Variants in PPFIA1 observed in about 807,000 individuals in gnomAD.
The protein encoded by PPFIA1 is liprin-alpha-1.
PPFIA1 carries 25 observed loss-of-function variants against 149.9 expected under a neutral mutation model. The ratio of observed to expected loss-of-function variants is 0.17; its 90% CI spans 0.12 to 0.23. The LOEUF is 0.23. Among genes scored for constraint, PPFIA1 ranks in the 10% least tolerant of loss-of-function variants. The pLI is 1.00. For missense variants in PPFIA1, 1,362 were observed against 1,506.5 expected, an observed-to-expected ratio of 0.90 and a Z score of 1.59; for synonymous variants, 549 against 552.8, an observed-to-expected ratio of 0.99 and a Z score of 0.10.
At chr11:70,316,871 G>A (rs914751092) in intron 2 of PPFIA1, among the ~76,000 whole-genome samples, 1 of 152,160 alleles carries the variant, frequency 6.6e-6, no homozygotes, top group African/African-American at 2.4e-5. Flanking sequence ...GAACCTGTTA[G>A]CCAGATCTAA....
intron 8 of PPFIA1, among the ~76,000 whole-genome samples, chr11:70,330,956 A>C (rs2054615991): frequency 6.6e-6 from 1 of 151,682 alleles, no homozygotes. Context: ...AAATGCGGCC[A>C]GGCGCGGTGG....
chr11:70,346,336 C>T lies in PPFIA1; in HGVS notation c.1932-1853C>T, dbSNP rs141085833. On this transcript the variant is annotated intron_variant, in intron 15 of 27. Coordinates refer to ENST00000253925, the MANE Select transcript of PPFIA1 (RefSeq NM_003626.5). ...TGCCACGACTTGCTTGTGAAGTTTACGTGGGTGGAGGTGCCAGTCCTGGTC... is the reference window on the plus strand; with the variant it reads ...TGCCACGACTTGCTTGTGAAGTTTATGTGGGTGGAGGTGCCAGTCCTGGTC... Among the ~76,000 whole-genome samples, 287 of 151,856 alleles carry T rather than the reference C, an allele frequency of 1.9e-3. 2 individuals are homozygous for T. Among genetic ancestry groups the T allele is most frequent in the African/African-American group, 6.7e-3 (277 of 41,424 alleles).
intron 26 of PPFIA1, chr11:70,378,434 C>T (rs1038678252): frequency 1.6e-6 from 2 of 1,249,734 alleles, no homozygotes. Context: ...ATTTTTCCAA[C>T]TAATAAAGCT....
chr11:70,350,645 T>C (rs1591308373), intron 16 of PPFIA1, among the ~76,000 whole-genome samples: 1 of 152,216 alleles, frequency 6.6e-6, no homozygotes, highest in East Asian at 1.9e-4. Flanking sequence ...GGAATATTTT[T>C]AATTATAACA....
At chr11:70,314,732 G>A (rs1307933254) in intron 2 of PPFIA1, among the ~76,000 whole-genome samples, 1 of 151,900 alleles carries the variant, frequency 6.6e-6, no homozygotes, top group African/African-American at 2.4e-5. Context: ...CTAGGTTTGG[G>A]CATACATTTT....
At chr11:70,382,043 C>T in intron 26 of PPFIA1, 45 bp from the exon 27 acceptor site, 1 of 1,574,576 alleles carries the variant, frequency 6.4e-7, no homozygotes, top group Non-Finnish European at 8.7e-7. Flanking sequence ...CTAAGACTAA[C>T]TGCACGCTGT....
intron 16 of PPFIA1, among the ~76,000 whole-genome samples, chr11:70,353,153 C>T (rs1428531162): frequency 6.6e-6 from 1 of 152,182 alleles, no homozygotes; most frequent in African/African-American, 2.4e-5. Flanking sequence ...ACTTGGTCCT[C>T]CCTGAGCCAC....
chr11:70,367,829 A>G (rs962197683), intron 21 of PPFIA1, among the ~76,000 whole-genome samples: 1 of 152,222 alleles, frequency 6.6e-6, no homozygotes. Flanking sequence ...AATACCAGAT[A>G]TCCCTGCTAC....
At chr11:70,345,768 A>C (rs560855419) in intron 15 of PPFIA1, 76 of 203,814 alleles carry the variant, frequency 3.7e-4, no homozygotes, top group African/African-American at 1.6e-3. Flanking sequence ...TCGAGGCTGC[A>C]GCGAGCTGTG....
intron 2 of PPFIA1, among the ~76,000 whole-genome samples, chr11:70,301,434 C>T (rs1044105170): frequency 6.6e-5 from 10 of 152,234 alleles, no homozygotes; most frequent in African/African-American, 2.2e-4. Context: ...AGCTGAGTGA[C>T]CTTTGTACCT....
chr11:70,331,749 C>T (rs2054676774), intron 8 of PPFIA1, among the ~76,000 whole-genome samples: 1 of 152,098 alleles, frequency 6.6e-6, no homozygotes, highest in African/African-American at 2.4e-5. Context: ...CACTGCACTC[C>T]AGCCTGGGTG....
At chr11:70,362,524 C>G in intron 21 of PPFIA1, 36 bp downstream of exon 21, 1 of 1,538,528 alleles carries the variant, frequency 6.5e-7, no homozygotes, top group Non-Finnish European at 8.8e-7. Flanking sequence ...TCTTTGGAAA[C>G]AGGGAATGCC....
Position 70,325,549 on chromosome 11 carries a change from A to G in PPFIA1, c.581A>G (p.Glu194Gly). 1 of 1,589,932 alleles carries G rather than the reference A, an allele frequency of 6.3e-7. No individual in the cohort carries two copies. The highest frequency in any genetic ancestry group is 1.1e-5 in the South Asian group (1 of 90,578). The stretch of plus-strand genomic sequence containing the variant: ...CTTGAAAGATGTAGTTTGTTAGAAG[A>G]GGAATTAGGTGCCACACACAAAGAG... Reference protein sequence around the residue: ...VALERCSLLEEELGATHKELM... With the variant: ...VALERCSLLEGELGATHKELM... The change falls in exon 5 of 28, where the codon GAG becomes GGG. Residue 194 changes from glutamate to glycine, a missense_variant. Glu to Gly is a moderately conservative substitution (Grantham distance 98). Coordinates refer to ENST00000253925, the MANE Select transcript of PPFIA1 (RefSeq NM_003626.5).
intron 14 of PPFIA1, among the ~76,000 whole-genome samples, chr11:70,339,785 C>T (rs1054520373): frequency 4.6e-5 from 7 of 152,082 alleles, no homozygotes; most frequent in Non-Finnish European, 8.8e-5. Flanking sequence ...GAGGCCAAGG[C>T]GGGTGGATCA....
In PPFIA1 at chr11:70,291,120, G is replaced by A. The variant is rs563423604; in HGVS notation, c.264+18684G>A. On this transcript the variant is annotated intron_variant, in intron 2 of 27. Transcript: ENST00000253925. The stretch of plus-strand genomic sequence containing the variant: ...GCCTGGTCTTGAACTCCCGACCTCA[G>A]GTTATCCACCAGCTCCCGGCCTCCC... Among the ~76,000 whole-genome samples the A allele has an allele frequency of 4.6e-5, 7 of 152,206 alleles. No homozygotes were observed. In the East Asian group the frequency reaches 9.7e-4, roughly 21 times the overall value.
intron 11 of PPFIA1, 44 bp from the exon 12 acceptor site, chr11:70,337,321 G>C (rs1023654727): frequency 7.4e-7 from 1 of 1,359,720 alleles, no homozygotes; most frequent in Non-Finnish European, 1.0e-6. Context: ...TATTTAAATG[G>C]GACATTTTAA....
intron 25 of PPFIA1, 32 bp downstream of exon 25, chr11:70,376,632 C>G (rs1042180528): frequency 2.0e-6 from 3 of 1,502,706 alleles, no homozygotes; most frequent in Middle Eastern, 1.7e-4. Context: ...CTTTAAATGT[C>G]TGAAATGTGT....
intron 2 of PPFIA1, among the ~76,000 whole-genome samples, chr11:70,310,487 G>A (rs896405514): frequency 1.3e-5 from 2 of 151,578 alleles, no homozygotes; most frequent in Admixed American, 6.6e-5. Flanking sequence ...CTGGGTTCAA[G>A]CGATTCTCTT....
At chr11:70,297,429 TG>T in intron 2 of PPFIA1, among the ~76,000 whole-genome samples, 1 of 150,746 alleles carries the variant, frequency 6.6e-6, no homozygotes, top group Non-Finnish European at 1.5e-5. Flanking sequence ...AAAGAAAAAA[TG>T]AAAAAAGATG....
Sources: gnomAD v4.1 joint callset for allele counts (sites outside exome capture counted in the v4.1 genomes callset) on GRCh38, gnomAD v4.1.1 for gene constraint, MANE v1.5 for transcripts, NCBI Gene and HGNC (gene_info 2026-07-23, HGNC 2026-07-21) for gene names.